Variants in PCCA observed in about 807,000 individuals in gnomAD.
PCCA encodes the protein propionyl-CoA carboxylase alpha chain, mitochondrial.
A neutral mutation model predicts 101.3 loss-of-function variants in PCCA; 74 were observed. The observed-to-expected ratio is 0.73, with a 90% confidence interval of 0.61 to 0.89. The LOEUF is 0.89. PCCA is among the 40% of genes least tolerant of loss of function. PCCA has a pLI of 0.00. For missense variants in PCCA, 891 were observed against 907.0 expected (o/e 0.98, Z 0.23); for synonymous variants, 294 against 313.6 (o/e 0.94, Z 0.66).
At chr13:100,202,721 ATCT>A (rs1251678122) in intron 6 of PCCA, among the ~76,000 whole-genome samples, 2 of 150,400 alleles carry the variant, frequency 1.3e-5, no homozygotes, top group Admixed American at 6.6e-5. Flanking sequence ...AATATTTCTC[ATCT>A]TCTGTATTAT....
At chr13:100,366,438 G>A (rs1333695821) in intron 18 of PCCA, among the ~76,000 whole-genome samples, 1 of 152,044 alleles carries the variant, frequency 6.6e-6, no homozygotes, top group East Asian at 1.9e-4. Flanking sequence ...TCCATCCTGT[G>A]CCAGGAGCTG....
intron 21 of PCCA, among the ~76,000 whole-genome samples, chr13:100,507,417 C>CT (rs1438938740): frequency 6.6e-6 from 1 of 152,170 alleles, no homozygotes; most frequent in Admixed American, 6.5e-5. Context: ...AGACTTGCTC[C>CT]TTGGGAAACC....
intron 6 of PCCA, among the ~76,000 whole-genome samples, chr13:100,180,371 T>C (rs951363724): frequency 6.6e-6 from 1 of 152,222 alleles, no homozygotes; most frequent in African/African-American, 2.4e-5. Flanking sequence ...TCTTCTAATT[T>C]ATACTTTGCA....
At chr13:100,362,366 T>C (rs2074715173) in intron 18 of PCCA, among the ~76,000 whole-genome samples, 1 of 152,224 alleles carries the variant, frequency 6.6e-6, no homozygotes, top group South Asian at 2.1e-4. Context: ...ATGGTAACAA[T>C]AATAACTAAT....
At chr13:100,132,539 G>GT (rs1178126263) in intron 4 of PCCA, among the ~76,000 whole-genome samples, 1 of 152,104 alleles carries the variant, frequency 6.6e-6, no homozygotes, top group Non-Finnish European at 1.5e-5. Context: ...GGATGCACAG[G>GT]TTTTTTTAAA....
At chr13:100,505,280 T>TA (rs1296592114) in intron 21 of PCCA, among the ~76,000 whole-genome samples, 1 of 152,258 alleles carries the variant, frequency 6.6e-6, no homozygotes, top group Non-Finnish European at 1.5e-5. Context: ...TTTGTATTCT[T>TA]ACATTGCCCA....
intron 19 of PCCA, among the ~76,000 whole-genome samples, chr13:100,409,770 G>A (rs553707235): frequency 5.2e-4 from 79 of 152,154 alleles, no homozygotes; most frequent in Admixed American, 1.6e-3. Context: ...ACCCCCACTC[G>A]TTTATTTATT....
intron 20 of PCCA, among the ~76,000 whole-genome samples, chr13:100,444,451 T>C (rs2080629742): frequency 7.5e-6 from 1 of 134,006 alleles, no homozygotes; most frequent in South Asian, 2.6e-4. Context: ...TTTTTTTTTT[T>C]TTTTTTTTTG....
At chr13:100,158,927 A>G (rs758527799) in intron 6 of PCCA, among the ~76,000 whole-genome samples, 36 of 151,754 alleles carry the variant, frequency 2.4e-4, no homozygotes, top group Non-Finnish European at 2.1e-4. Flanking sequence ...CCTGCTATAA[A>G]TGAATATCCA....
chr13:100,282,778 T>C (rs563261539), intron 12 of PCCA, among the ~76,000 whole-genome samples: 6 of 152,256 alleles, frequency 3.9e-5, no homozygotes, highest in Admixed American at 1.3e-4. Context: ...TTTCTTTTCA[T>C]TGAGGGAGAA....
chr13:100,427,435 G>A (rs890135840), intron 20 of PCCA, among the ~76,000 whole-genome samples: 2 of 152,178 alleles, frequency 1.3e-5, no homozygotes, highest in Non-Finnish European at 2.9e-5. Flanking sequence ...TGAGTGCGCA[G>A]ATAGTTGTCT....
At chr13:100,524,379 G>GTGTGTGTGTGTGTC (rs2087559991) in intron 22 of PCCA, among the ~76,000 whole-genome samples, 1 of 138,444 alleles carries the variant, frequency 7.2e-6, no homozygotes, top group Non-Finnish European at 1.5e-5. Context: ...AAGCTCGTGT[G>GTGTGTGTGTGTGTC]TGTGTGTGTG....
intron 18 of PCCA, among the ~76,000 whole-genome samples, chr13:100,365,201 A>C (rs1406265734): frequency 1.3e-5 from 2 of 152,382 alleles, no homozygotes; most frequent in African/African-American, 4.8e-5. Flanking sequence ...TCTCAGGTAC[A>C]TTGCTAGTAG....
intron 1 of PCCA, among the ~76,000 whole-genome samples, chr13:100,098,786 C>T (rs1021621289): frequency 5.9e-5 from 9 of 152,130 alleles, no homozygotes; most frequent in Admixed American, 1.3e-4. Context: ...GAACATCTCT[C>T]TCAAATATTA....
chr13:100,279,663 A>G (rs1337980162), intron 12 of PCCA, among the ~76,000 whole-genome samples: 2 of 151,994 alleles, frequency 1.3e-5, no homozygotes, highest in Non-Finnish European at 2.9e-5. Context: ...TTTAGTAGAG[A>G]TGGGGTTTTA....
chr13:100,379,332 G>T (rs370909032), intron 19 of PCCA, among the ~76,000 whole-genome samples: 5 of 152,142 alleles, frequency 3.3e-5, no homozygotes, highest in Non-Finnish European at 7.4e-5. Context: ...GTAGTGGTGG[G>T]CTGAGTATGT....
intron 4 of PCCA, among the ~76,000 whole-genome samples, chr13:100,134,678 G>A (rs1256910223): frequency 6.6e-6 from 1 of 151,888 alleles, no homozygotes; most frequent in African/African-American, 2.4e-5. Flanking sequence ...TCAGCCTCCT[G>A]AGTAGCTGGG....
rs1435836694 is a variant in PCCA at position 100,514,693 on chromosome 13, C to T, written c.1900-734C>T. Among the ~76,000 whole-genome samples, 3 of 152,318 alleles carry T rather than the reference C, an allele frequency of 2.0e-5. No homozygotes were observed. In the East Asian group the frequency reaches 5.8e-4, roughly 29 times the overall value. On this transcript the variant is annotated intron_variant, in intron 21 of 23. Transcript: ENST00000376285. ...TGCCCGATTGTTTGAGAGCCACCTA[C>T]AGAAGGTGCCATGAATATACTTGTC... is the stretch of plus-strand genomic sequence containing the variant.
intron 4 of PCCA, among the ~76,000 whole-genome samples, chr13:100,136,101 A>G (rs2051127998): frequency 6.7e-6 from 1 of 149,946 alleles, no homozygotes; most frequent in Non-Finnish European, 1.5e-5. Context: ...CTTTTTGTGT[A>G]CTGTCTTTGG....
Sources: allele counts gnomAD v4.1 joint callset (sites outside exome capture counted in the v4.1 genomes callset), GRCh38; gene constraint gnomAD v4.1.1; transcripts MANE v1.5; gene names NCBI Gene and HGNC (gene_info 2026-07-23, HGNC 2026-07-21).